The following KAZN variants were observed in gnomAD, a reference collection of about 807,000 sequenced individuals.
KAZN encodes kazrin, periplakin interacting protein, also known as kazrin.
Under a neutral mutation model 87.4 loss-of-function variants are expected in KAZN, and 40 were observed. The observed-to-expected ratio is 0.46, with a 90% CI of 0.36 to 0.60. KAZN has a LOEUF of 0.60. KAZN is among the 20% of genes least tolerant of loss of function. The probability of loss-of-function intolerance (pLI) is 0.00; values close to 1 mark genes in which losing one functional copy is unlikely to be tolerated. For missense variants in KAZN, 898 were observed against 1,073.9 expected, an observed-to-expected ratio of 0.84 and a Z score of 2.29; for synonymous variants, 466 against 458.3, an observed-to-expected ratio of 1.02 and a Z score of -0.22.
At position 14,102,365 on chromosome 1, in the gene KAZN, C is replaced by T. The variant is rs562201553; in HGVS notation, c.92-78070C>T. Among the ~76,000 whole-genome samples, 51 of 152,292 alleles carry T rather than the reference C, an allele frequency of 3.3e-4. No homozygotes were observed. The Middle Eastern group carries it at 0.01, about 30-fold the overall frequency. On this transcript the variant is annotated intron_variant, in intron 1 of 16. Transcript: ENST00000636203. Reference sequence around the variant, plus strand: ...CTCGCTGAGCACCTGCCCTCACGCCCTTTGGTTTGTAAACTGCTGCTGGCT... The same window carrying T: ...CTCGCTGAGCACCTGCCCTCACGCCTTTTGGTTTGTAAACTGCTGCTGGCT...
At chr1:14,516,350 C>T (rs1160738607) in intron 2 of KAZN, among the ~76,000 whole-genome samples, 1 of 152,192 alleles carries the variant, frequency 6.6e-6, no homozygotes, top group Non-Finnish European at 1.5e-5. Flanking sequence ...CATCTCTTCT[C>T]ACCGGCAGAT....
chr1:15,043,329 G>C (rs975759742), intron 3 of KAZN, among the ~76,000 whole-genome samples: 1 of 152,188 alleles, frequency 6.6e-6, no homozygotes, highest in East Asian at 1.9e-4. Flanking sequence ...CTGTCAGACT[G>C]TGTTAAGTAT....
chr1:14,169,691 C>A (rs1269556974), intron 1 of KAZN, among the ~76,000 whole-genome samples: 2 of 152,164 alleles, frequency 1.3e-5, no homozygotes, highest in African/African-American at 2.4e-5. Flanking sequence ...TAGGCAATGG[C>A]CATAAGTAAT....
intron 1 of KAZN, among the ~76,000 whole-genome samples, chr1:14,905,845 AAATAAT>A (rs59662108): frequency 0.25 from 36,014 of 143,090 alleles, 5,120 homozygotes; most frequent in African/African-American, 0.4. Context: ...TCCGTCTCAA[AAATAAT>A]AATAATAATA....
At chr1:13,991,873 G>A (rs1400409341) in intron 1 of KAZN, among the ~76,000 whole-genome samples, 3 of 152,032 alleles carry the variant, frequency 2.0e-5, no homozygotes, top group African/African-American at 7.2e-5. Flanking sequence ...TTGAACTATA[G>A]ATACAGACGC....
intron 1 of KAZN, among the ~76,000 whole-genome samples, chr1:14,156,824 C>T (rs572666818): frequency 4.6e-5 from 7 of 151,360 alleles, no homozygotes; most frequent in Non-Finnish European, 1.0e-4. Flanking sequence ...AGAGTTTAGT[C>T]CATTTACATT....
At chr1:13,912,037 G>A (rs1639670705) in intron 1 of KAZN, among the ~76,000 whole-genome samples, 1 of 152,106 alleles carries the variant, frequency 6.6e-6, no homozygotes, top group Admixed American at 6.6e-5. Context: ...AAGTGGAGAT[G>A]GCAAGCCTCT....
At chr1:14,751,434 C>T (rs1419657146) in intron 1 of KAZN, among the ~76,000 whole-genome samples, 4 of 152,208 alleles carry the variant, frequency 2.6e-5, no homozygotes, top group Non-Finnish European at 4.4e-5. Flanking sequence ...AGCACTTACT[C>T]AGCGCTAGGC....
Position 13,959,262 on chromosome 1 carries a change from C to T in KAZN, c.91+65506C>T, listed in dbSNP as rs1641664628. 2.6e-5 allele frequency among the ~76,000 whole-genome samples: 4 copies of T among 152,142 alleles called. No homozygotes were observed. The South Asian group carries it at 8.3e-4, about 32-fold the overall frequency. On this transcript the variant is annotated intron_variant, in intron 1 of 16. Coordinates refer to the KAZN transcript ENST00000636203. ...TGGTCCTCACCAAAACCAAATCTGC[C>T]ACCACCTTGATCTTAGACTTCCCAG...
At chr1:14,588,174 G>A (rs1675973239) in intron 2 of KAZN, among the ~76,000 whole-genome samples, 1 of 152,188 alleles carries the variant, frequency 6.6e-6, no homozygotes, top group Non-Finnish European at 1.5e-5. Context: ...CGGGTGTGGT[G>A]TAAGAATCAT....
At chr1:14,420,839 G>T in intron 2 of KAZN, among the ~76,000 whole-genome samples, 1 of 150,138 alleles carries the variant, frequency 6.7e-6, no homozygotes, top group East Asian at 1.9e-4. Context: ...AACTCAAGCT[G>T]GCCTGGGAGC....
chr1:14,982,757 C>T (rs1666389965), intron 2 of KAZN, among the ~76,000 whole-genome samples: 1 of 152,220 alleles, frequency 6.6e-6, no homozygotes, highest in Non-Finnish European at 1.5e-5. Context: ...ATCCAGGCCC[C>T]TGTGTCAGCC....
chr1:14,753,911 C>T (rs1009635081), intron 1 of KAZN, among the ~76,000 whole-genome samples: 3 of 152,212 alleles, frequency 2.0e-5, no homozygotes, highest in Non-Finnish European at 2.9e-5. Flanking sequence ...TCCAAGATAG[C>T]GTCTTCTTGC....
chr1:14,695,084 C>T (rs189146143), intron 1 of KAZN, among the ~76,000 whole-genome samples: 2 of 152,288 alleles, frequency 1.3e-5, no homozygotes, highest in Admixed American at 1.3e-4. Flanking sequence ...CTTCTCTCAG[C>T]TTAGACAGGG....
At chr1:15,082,130 C>T (rs921547239) in intron 8 of KAZN, among the ~76,000 whole-genome samples, 2 of 152,116 alleles carry the variant, frequency 1.3e-5, no homozygotes, top group East Asian at 1.9e-4. Flanking sequence ...ACTGCCTCAA[C>T]TCTGCCTCAG....
At chr1:14,882,293 G>T (rs1337317522) in intron 1 of KAZN, among the ~76,000 whole-genome samples, 1 of 152,200 alleles carries the variant, frequency 6.6e-6, no homozygotes, top group Non-Finnish European at 1.5e-5. Flanking sequence ...CCTAGAAGAA[G>T]CTGAAGTTTT....
intron 1 of KAZN, among the ~76,000 whole-genome samples, chr1:14,841,631 A>C (rs755002995): frequency 3.3e-5 from 5 of 152,106 alleles, no homozygotes; most frequent in Non-Finnish European, 7.4e-5. Context: ...CCAGCTCTGC[A>C]CCCAGTGACG....
intron 2 of KAZN, among the ~76,000 whole-genome samples, chr1:14,588,260 T>G (rs1675977591): frequency 6.6e-6 from 1 of 152,180 alleles, no homozygotes; most frequent in Non-Finnish European, 1.5e-5. Flanking sequence ...TACCAGCTCA[T>G]TTAGCCTCTT....
At chr1:14,935,084 G>C (rs1660293968) in intron 1 of KAZN, among the ~76,000 whole-genome samples, 1 of 152,138 alleles carries the variant, frequency 6.6e-6, no homozygotes, top group African/African-American at 2.4e-5. Flanking sequence ...GGCCCTCCTG[G>C]GTGCACCAGC....
Sources: allele counts gnomAD v4.1 joint callset (sites outside exome capture counted in the v4.1 genomes callset), GRCh38; gene constraint gnomAD v4.1.1; transcripts MANE v1.5; gene names NCBI Gene and HGNC (gene_info 2026-07-23, HGNC 2026-07-21).